The following PLTP variants were observed in gnomAD, a reference collection of about 807,000 sequenced individuals.
The protein encoded by PLTP is phospholipid transfer protein.
Under a neutral mutation model 54.1 loss-of-function variants are expected in PLTP, and 43 were observed. The ratio of observed to expected loss-of-function variants is 0.79; its 90% CI spans 0.62 to 1.02. PLTP has a LOEUF of 1.02. PLTP is among the 50% of genes least tolerant of loss of function. PLTP has a pLI of 0.00. For synonymous variants in PLTP, 263 were observed against 264.6 expected, an observed-to-expected ratio of 0.99 and a Z score of 0.06; for missense variants, 604 against 645.9, an observed-to-expected ratio of 0.94 and a Z score of 0.70.
chr20:45,901,297 G>A (rs1173367546), intron 12 of PLTP, among the ~76,000 whole-genome samples: 2 of 152,144 alleles, frequency 1.3e-5, no homozygotes, highest in African/African-American at 4.8e-5. Flanking sequence ...GAGAAAATGA[G>A]GCCTAGAAAG....
chr20:45,911,400 T>C lies in PLTP; in HGVS notation c.53A>G (p.Glu18Gly), dbSNP rs11544245. 1 of 1,609,992 alleles carries C rather than the reference T, an allele frequency of 6.2e-7. No individual in the cohort carries two copies. The highest frequency in any genetic ancestry group is 1.1e-5 in the South Asian group (1 of 91,088). The change falls in exon 2 of 16, where the codon GAG becomes GGG. Residue 18 changes from glutamate (E) to glycine (G), a missense_variant. Physicochemically the swap from Glu to Gly is moderately conservative, Grantham distance 98. Coordinates refer to ENST00000372431, the MANE Select transcript of PLTP (RefSeq NM_006227.4). ...GACGCGGATCTTGCAGCCTGGGAAC[T>C]CTGCATGTGCGCCTGCCAGCAGCGC... ...FLALLAGAHA[E>G]FPGCKIRVTS...
In PLTP at chr20:45,905,679, G is replaced by A. The variant is rs541960960; in HGVS notation, c.706-561C>T. On this transcript the variant is annotated intron_variant, in intron 8 of 15. Coordinates refer to ENST00000372431, the MANE Select transcript of PLTP (RefSeq NM_006227.4). ...TGGTCTCAAACTCCTGGGCTCAAGCGATCCTCTCGCCTGGGCCTCCCAAAG... is the reference window on the plus strand; with the variant it reads ...TGGTCTCAAACTCCTGGGCTCAAGCAATCCTCTCGCCTGGGCCTCCCAAAG... Among the ~76,000 whole-genome samples the A allele has an allele frequency of 2.6e-5, 4 of 152,286 alleles. No individual in the cohort carries two copies. The South Asian group carries it at 6.2e-4, about 24-fold the overall frequency.
In PLTP at chr20:45,899,069, T is replaced by G. The variant is rs747057667; in HGVS notation, c.1360-6A>C. 3.1e-6 allele frequency: 5 copies of G among 1,614,120 alleles called. No individual in the cohort carries two copies. The highest frequency in any genetic ancestry group is 4.2e-6 in the Non-Finnish European group (5 of 1,180,014). ...GCCCCGATGGTGAGGAATCCCTGTG[T>G]TGGGGAGAGGGGAGCCTCATTTATT... On this transcript the variant is annotated splice_polypyrimidine_tract_variant and splice_region_variant and intron_variant, in intron 15 of 15. Coordinates refer to ENST00000372431, the MANE Select transcript of PLTP (RefSeq NM_006227.4).
chr20:45,905,839 G>A (rs762244231), intron 8 of PLTP, among the ~76,000 whole-genome samples: 39 of 152,350 alleles, frequency 2.6e-4, no homozygotes, highest in Admixed American at 4.6e-4. Flanking sequence ...GGCAAGTGAC[G>A]TCACCTCTAT....
At chr20:45,909,885 A>G (rs2083274402) in intron 4 of PLTP, 57 bp downstream of exon 4, 2 of 1,604,310 alleles carry the variant, frequency 1.2e-6, no homozygotes, top group Admixed American at 1.7e-5. Context: ...ACAGCCCCAC[A>G]GCACCTCCAG....
At chr20:45,902,856 A>G (rs1465803473) in intron 10 of PLTP, among the ~76,000 whole-genome samples, 1 of 152,198 alleles carries the variant, frequency 6.6e-6, no homozygotes, top group African/African-American at 2.4e-5. Flanking sequence ...TCTATCTCCA[A>G]TCCAGACTCT....
chr20:45,904,765 C>T lies in PLTP; in HGVS notation c.942+35G>A, dbSNP rs370068098. On this transcript the variant is annotated intron_variant, in intron 10 of 15. Transcript: ENST00000372431. ...ACCCCTCCTTGGTCTCACTGGTGTGCAGGTGGCCCTATCCCTGCCCCCGCC... is the reference window on the plus strand; with the variant it reads ...ACCCCTCCTTGGTCTCACTGGTGTGTAGGTGGCCCTATCCCTGCCCCCGCC... 6.8e-6 allele frequency: 11 copies of T among 1,607,830 alleles called. No homozygotes were observed. In the African/African-American group the frequency reaches 1.5e-4, roughly 21 times the overall value.
Position 45,899,665 on chromosome 20 carries a change from A to C in PLTP, c.1239T>G (p.Pro413=), listed in dbSNP as rs1179733526. The C allele has an allele frequency of 6.2e-7, 1 of 1,613,576 alleles. No individual in the cohort carries two copies. The highest frequency in any genetic ancestry group is 2.2e-5 in the East Asian group (1 of 44,830). Reference sequence around the variant, plus strand: ...CCCCAATCTGCAGCATGGTCTTCAGAGGGGCCTGTAATGGGATCAGCTGGG... The same window carrying C: ...CCCCAATCTGCAGCATGGTCTTCAGCGGGGCCTGTAATGGGATCAGCTGGG... ...ESLALIPLQA[P]LKTMLQIGVM... Residue 413 remains proline, a synonymous_variant, in exon 14 of 16, where the codon CCT becomes CCG. Transcript: ENST00000372431.
In PLTP at chr20:45,898,650, A is replaced by T; in HGVS notation, c.*291T>A. On this transcript the variant is annotated 3_prime_UTR_variant, in exon 16 of 16. Coordinates refer to ENST00000372431, the MANE Select transcript of PLTP (RefSeq NM_006227.4). The surrounding 1 kb of genome is among the most constrained non-coding windows in gnomAD (Gnocchi z 4.6). ...GGGCAAGTTAGCACTTTATTCCCGCAGCAGTTCCTGAATGGGGTGGCCTGG... is the reference window on the plus strand; with the variant it reads ...GGGCAAGTTAGCACTTTATTCCCGCTGCAGTTCCTGAATGGGGTGGCCTGG... 1 of 692,446 alleles carries T rather than the reference A, an allele frequency of 1.4e-6. No homozygotes were observed. The highest frequency in any genetic ancestry group is 1.6e-5 in the South Asian group (1 of 61,260). The allele number at this position is 692,446 out of a possible 1,614,324, so 42.9% of individuals were successfully genotyped here.
intron 7 of PLTP, among the ~76,000 whole-genome samples, chr20:45,907,471 G>A (rs563730914): frequency 4.0e-4 from 61 of 152,308 alleles, no homozygotes; most frequent in Admixed American, 2.0e-3. Context: ...TATTCTCTCA[G>A]ATAATCCTCA....
intron 15 of PLTP, among the ~76,000 whole-genome samples, 191 bp downstream of exon 15, chr20:45,899,271 A>G (rs987274079): frequency 6.6e-6 from 1 of 152,124 alleles, no homozygotes; most frequent in African/African-American, 2.4e-5. Flanking sequence ...GACCTGAACA[A>G]TTAGTAGGTA....
chr20:45,903,816 G>A (rs1391939913), intron 10 of PLTP, among the ~76,000 whole-genome samples: 2 of 152,052 alleles, frequency 1.3e-5, no homozygotes, highest in Non-Finnish European at 2.9e-5. Context: ...TCCAGCCTGG[G>A]TGACAGAGTG....
At chr20:45,900,350 C>A (rs181845012) in intron 12 of PLTP, among the ~76,000 whole-genome samples, 11 of 151,956 alleles carry the variant, frequency 7.2e-5, no homozygotes, top group Admixed American at 2.6e-4. Flanking sequence ...TGTGATCCGC[C>A]CGTCTCGGCC....
At position 45,907,575 on chromosome 20, in the gene PLTP, G is replaced by A. The variant is rs2083252107; in HGVS notation, c.613+117C>T. ...CACTTCACCCAAAATCGCACAACAAGTCAGCTCCAGGGGCCACATTTGAAC... is the reference window on the plus strand; with the variant it reads ...CACTTCACCCAAAATCGCACAACAAATCAGCTCCAGGGGCCACATTTGAAC... On this transcript the variant is annotated intron_variant, in intron 7 of 15. Transcript: ENST00000372431. 5.2e-6 allele frequency: 5 copies of A among 967,532 alleles called. No individual in the cohort carries two copies. The Admixed American group carries it at 8.0e-5, about 15-fold the overall frequency. The allele number at this position is 967,532 out of a possible 1,614,324, so 59.9% of individuals were successfully genotyped here. A position where few individuals can be genotyped will look rare whatever the true frequency, so the allele number is the denominator to read the frequency against.
intron 8 of PLTP, among the ~76,000 whole-genome samples, 182 bp from the exon 9 acceptor site, chr20:45,905,300 G>C (rs918650844): frequency 9.9e-5 from 15 of 152,182 alleles, no homozygotes; most frequent in Non-Finnish European, 1.8e-4. Flanking sequence ...CTGCTACCAG[G>C]GGGCGAGCCC....
At chr20:45,909,437 C>A in intron 5 of PLTP, 79 bp downstream of exon 5, 1 of 1,507,404 alleles carries the variant, frequency 6.6e-7, no homozygotes, top group Non-Finnish European at 9.2e-7. Context: ...GATTCCCAGG[C>A]CTATGCACTT....
chr20:45,902,656 C>T (rs750462279), intron 10 of PLTP, 52 bp from the exon 11 acceptor site: 4 of 1,519,792 alleles, frequency 2.6e-6, no homozygotes, highest in African/African-American at 1.4e-5. Flanking sequence ...TCCTTTGGAG[C>T]CCCCAGGGAA....
chr20:45,905,014 C>A lies in PLTP; in HGVS notation c.810G>T (p.Glu270Asp). 6.2e-7 allele frequency: 1 copy of A among 1,614,250 alleles called. No individual in the cohort carries two copies. The highest frequency in any genetic ancestry group is 1.1e-5 in the South Asian group (1 of 91,088). Residue 270 changes from glutamate (E) to aspartate (D), a missense_variant, in exon 9 of 16, where the codon GAG (glutamate) becomes GAT (aspartate). Coordinates refer to ENST00000372431, the MANE Select transcript of PLTP (RefSeq NM_006227.4). ...TCTCCATGGCAGAGTCGAAGAAGAA[C>A]TCAGAGAAGGCCACATACACCATCC... ...EERMVYVAFSEFFFDSAMESY... is the reference protein window; with the variant it reads ...EERMVYVAFSDFFFDSAMESY...
intron 15 of PLTP, 88 bp downstream of exon 15, chr20:45,899,374 G>A (rs1258568998): frequency 2.0e-5 from 28 of 1,376,890 alleles, no homozygotes; most frequent in Non-Finnish European, 2.5e-5. Context: ...CTGGTAATGG[G>A]GGAGCTGGGG....
Sources: gnomAD v4.1 joint callset for allele counts (sites outside exome capture counted in the v4.1 genomes callset) on GRCh38, gnomAD v4.1.1 for gene constraint, Gnocchi (gnomAD v3.1) non-coding constraint, MANE v1.5 for transcripts, NCBI Gene and HGNC (gene_info 2026-07-23, HGNC 2026-07-21) for gene names.